Variants in KPNA7 observed in about 807,000 individuals in gnomAD.
KPNA7 encodes karyopherin subunit alpha 7, also known as importin subunit alpha-8.
A neutral mutation model predicts 53.7 loss-of-function variants in KPNA7; 54 were observed. That is an observed-to-expected ratio of 1.01 (90% CI 0.81 to 1.26). The LOEUF (loss-of-function observed/expected upper bound fraction) is 1.26, where lower values mean the gene tolerates loss of function less well. KPNA7 is among the 50% of genes most tolerant of loss of function. The pLI is 0.00. For synonymous variants in KPNA7, 276 were observed against 259.3 expected (o/e 1.06, Z -0.62); for missense variants, 640 against 644.5 (o/e 0.99, Z 0.07).
chr7:99,171,832 G>C (rs1486768086), downstream of KPNA7, among the ~76,000 whole-genome samples: 1 of 152,158 alleles, frequency 6.6e-6, no homozygotes, highest in African/African-American at 2.4e-5. Context: ...AAAGTGAGTG[G>C]AGCCCCCACA....
At chr7:99,190,335 CAAA>C (rs58257703) in intron 6 of KPNA7, among the ~76,000 whole-genome samples, 4 of 99,358 alleles carry the variant, frequency 4.0e-5, no homozygotes, top group African/African-American at 6.9e-5. Context: ...GACTCTGTCT[CAAA>C]AAAAAAAAAA....
chr7:99,198,110 G>T (rs187679456), intron 3 of KPNA7, among the ~76,000 whole-genome samples: 1 of 152,166 alleles, frequency 6.6e-6, no homozygotes, highest in East Asian at 1.9e-4. Flanking sequence ...GCCTCAATAA[G>T]ATTAACAGCT....
chr7:99,184,929 G>A lies in KPNA7; in HGVS notation c.1134C>T (p.Asn378=), dbSNP rs193289322. 75 of 1,551,814 alleles carry A rather than the reference G, an allele frequency of 4.8e-5. No individual in the cohort carries two copies. The highest frequency in any genetic ancestry group is 3.2e-4 in the South Asian group (27 of 84,042). The change falls in exon 8 of 11, where the codon AAC becomes AAT. Residue 378 remains asparagine, a splice_region_variant and synonymous_variant. Transcript: ENST00000327442. ...CATGGTTGCTGTGTGCGCCACTTAC[G>A]TTTTTTAGCAGAGCCACCAAGGGAG... is the stretch of plus-strand genomic sequence containing the variant. ...VLPPLVALLK[N]GEFKVQKEAV...
At chr7:99,194,689 C>T (rs1420848594) in intron 5 of KPNA7, among the ~76,000 whole-genome samples, 2 of 152,126 alleles carry the variant, frequency 1.3e-5, no homozygotes, top group Non-Finnish European at 2.9e-5. Flanking sequence ...CTGCAACTTC[C>T]TCCTCCCAGG....
intron 8 of KPNA7, 118 bp from the exon 9 acceptor site, chr7:99,182,183 A>G: frequency 1.4e-6 from 1 of 692,434 alleles, no homozygotes; most frequent in African/African-American, 1.8e-5. Flanking sequence ...TACAATTTAC[A>G]TAGAATGCCT....
chr7:99,170,785 AAG>A (rs1798757229), downstream of KPNA7, among the ~76,000 whole-genome samples: 1 of 152,180 alleles, frequency 6.6e-6, no homozygotes, highest in East Asian at 1.9e-4. Context: ...GAGACAGGGG[AAG>A]AGAGTCATGC....
In KPNA7 at chr7:99,190,353, G is replaced by GA. The variant is rs957164359; in HGVS notation, c.637-1791dup. On this transcript the variant is annotated intron_variant, in intron 6 of 10. Coordinates refer to ENST00000327442, the MANE Select transcript of KPNA7 (RefSeq NM_001145715.3). ...TCTGTCTCAAAAAAAAAAAAAAGCA[G>GA]AAAAAAAAGCAGAAAAAAAAGAAAG... 7.3e-5 allele frequency among the ~76,000 whole-genome samples: 10 copies of GA among 137,392 alleles called. No homozygotes were observed. The East Asian group carries it at 1.3e-3, about 17-fold the overall frequency. The allele number at this position is 137,392 out of a possible 152,430, so 90.1% of individuals were successfully genotyped here.
intron 1 of KPNA7, among the ~76,000 whole-genome samples, chr7:99,215,117 T>C (rs1791182907): frequency 6.6e-6 from 1 of 151,950 alleles, no homozygotes; most frequent in Non-Finnish European, 1.5e-5. Flanking sequence ...CTCATGCCTG[T>C]AATTCCAGCA....
At chr7:99,208,458 G>A (rs575957090), upstream of KPNA7, among the ~76,000 whole-genome samples, 310 of 151,950 alleles carry the variant, frequency 2.0e-3, 1 homozygote, top group Middle Eastern at 6.8e-3. Context: ...GGGTTTCACC[G>A]TGTTAGCCAG....
In KPNA7 at chr7:99,203,365, TCA is replaced by T. The variant is rs1222213653; in HGVS notation, c.67-127_67-126del. 4.4e-6 allele frequency: 4 copies of T among 900,022 alleles called. No homozygotes were observed. In the African/African-American group the frequency reaches 5.0e-5, roughly 11 times the overall value. 55.8% of individuals were successfully genotyped at this position (900,022 alleles called of 1,614,324 possible). ...ATACAATAGGCTGGAAAAGTTCAGA[TCA>T]CACAGTTAGTAAATCATCTCAGCTC... On this transcript the variant is annotated intron_variant, in intron 2 of 10. Transcript: ENST00000327442.
intron 1 of KPNA7, among the ~76,000 whole-genome samples, chr7:99,215,216 A>G (rs1203627833): frequency 6.6e-6 from 1 of 151,782 alleles, no homozygotes; most frequent in Non-Finnish European, 1.5e-5. Flanking sequence ...TACTAAAAAT[A>G]CAAAAATTAG....
At chr7:99,213,430 T>TAAAAAA (rs61231738) in intron 1 of KPNA7, among the ~76,000 whole-genome samples, 23 of 72,884 alleles carry the variant, frequency 3.2e-4, no homozygotes, top group East Asian at 1.0e-3. Context: ...CCTGGCCTTT[T>TAAAAAA]AAAAAAAAAA....
At chr7:99,173,079 A>AAG (rs1554459172), downstream of KPNA7, among the ~76,000 whole-genome samples, 598 of 150,656 alleles carry the variant, frequency 4.0e-3, 3 homozygotes, top group African/African-American at 0.014. Context: ...AAAAAAAAAA[A>AAG]AAAAAGAAAA....
In KPNA7 at chr7:99,180,745, GTC is replaced by G. The variant is rs142155203; in HGVS notation, c.1317+1136_1317+1137del. 5.7e-5 allele frequency among the ~76,000 whole-genome samples: 3 copies of G among 52,786 alleles called. 1 individual carries two copies. Among genetic ancestry groups the G allele is most frequent in the African/African-American group, 2.6e-4 (3 of 11,460 alleles). The allele number at this position is 52,786 out of a possible 152,430, so 34.6% of individuals were successfully genotyped here. ...CGTCTGTGTCTCTCTCTCTCCCCGT[GTC>G]TCTCTCTCTCTCCCCGTCTGTGTCT... On this transcript the variant is annotated intron_variant, in intron 9 of 10. Transcript: ENST00000327442.
At chr7:99,209,094 G>A (rs1168015851), upstream of KPNA7, among the ~76,000 whole-genome samples, 1 of 152,168 alleles carries the variant, frequency 6.6e-6, no homozygotes, top group African/African-American at 2.4e-5. Context: ...GGAGGTTGCA[G>A]TGAGCTGAGA....
Position 99,185,206 on chromosome 7 carries a change from CAGG to C in KPNA7, c.901-47_901-45del, listed in dbSNP as rs1211580215. On this transcript the variant is annotated intron_variant, in intron 7 of 10. Transcript: ENST00000327442. Reference sequence around the variant, plus strand: ...AAGTCTAAGTATTTCAAGTCTATCCCAGGAGAAGGCAACAATCACACCAAGTTC... The same window carrying C: ...AAGTCTAAGTATTTCAAGTCTATCCCAGAAGGCAACAATCACACCAAGTTC... 85 of 1,357,972 alleles carry C rather than the reference CAGG, an allele frequency of 6.3e-5. No homozygotes were observed. The East Asian group carries it at 2.1e-3, about 34-fold the overall frequency. The allele number at this position is 1,357,972 out of a possible 1,614,324, so 84.1% of individuals were successfully genotyped here.
chr7:99,218,924 T>C (rs534113884), intron 1 of KPNA7, among the ~76,000 whole-genome samples: 85 of 152,338 alleles, frequency 5.6e-4, no homozygotes, highest in Middle Eastern at 6.8e-3. Context: ...CATTCGCACT[T>C]TCTCACACAG....
In KPNA7 at chr7:99,182,062, C is replaced by A. The variant is rs756022440; in HGVS notation, c.1138G>T (p.Glu380Ter). The change falls in exon 9 of 11, where the codon GAA (glutamate) becomes TAA (stop). Residue 380 changes from glutamate (E) to a stop codon, truncating the protein, a stop_gained. Transcript: ENST00000327442. LOFTEE classifies it high-confidence loss of function. ...PPLVALLKNG[E>*]FKVQKEAVWM... is the part of the protein sequence containing the mutation. ...ACAGCCTCTTTCTGGACTTTAAATT[C>A]TCCCTGCAGAACAAGAATGTTTCCA... is the stretch of plus-strand genomic sequence containing the variant. 6.5e-7 allele frequency: 1 copy of A among 1,530,658 alleles called. No homozygotes were observed. Among genetic ancestry groups the A allele is most frequent in the South Asian group, 1.2e-5 (1 of 82,422 alleles). 94.8% of individuals were successfully genotyped at this position (1,530,658 alleles called of 1,614,324 possible).
chr7:99,213,009 C>T (rs1791116157), upstream of KPNA7, among the ~76,000 whole-genome samples: 1 of 151,982 alleles, frequency 6.6e-6, no homozygotes, highest in South Asian at 2.1e-4. Context: ...ATCAGTTGAA[C>T]CAAAATTTGG....
Sources: allele counts gnomAD v4.1 joint callset (sites outside exome capture counted in the v4.1 genomes callset), GRCh38; gene constraint gnomAD v4.1.1; transcripts MANE v1.5; gene names NCBI Gene and HGNC (gene_info 2026-07-23, HGNC 2026-07-21).